The following ANK1 variants were observed in gnomAD, a reference collection of about 807,000 sequenced individuals.
The protein encoded by ANK1 is ankyrin 1.
ANK1 carries 51 observed loss-of-function variants against 210.4 expected under a neutral mutation model. The ratio of observed to expected loss-of-function variants is 0.24; its 90% CI spans 0.19 to 0.31. The LOEUF is 0.31. ANK1 is among the 10% of genes least tolerant of loss of function. ANK1 has a pLI of 1.00. For synonymous variants in ANK1, 967 were observed against 1,025.9 expected (o/e 0.94, Z 1.10); for missense variants, 2,051 against 2,504.4 (o/e 0.82, Z 3.86).
At chr8:41,734,149 T>A in intron 2 of ANK1, 80 bp from the exon 3 acceptor site, 1 of 1,211,730 alleles carries the variant, frequency 8.3e-7, no homozygotes, top group South Asian at 1.2e-5. Context: ...CCCAGGCCCC[T>A]TCCCAGCCCT....
chr8:41,808,883 A>G (rs1851366770), intron 1 of ANK1, among the ~76,000 whole-genome samples: 1 of 152,174 alleles, frequency 6.6e-6, no homozygotes, highest in Non-Finnish European at 1.5e-5. Flanking sequence ...AACATTTCTG[A>G]GGCCTTATTG....
At chr8:41,809,412 C>T (rs887371242) in intron 1 of ANK1, among the ~76,000 whole-genome samples, 1 of 152,176 alleles carries the variant, frequency 6.6e-6, no homozygotes, top group Non-Finnish European at 1.5e-5. Flanking sequence ...GTGTGTGATA[C>T]TCAAAACCAT....
At chr8:41,725,662 G>C in intron 6 of ANK1, 99 bp downstream of exon 6, 25 of 1,496,792 alleles carry the variant, frequency 1.7e-5, no homozygotes, top group Non-Finnish European at 2.2e-5. Flanking sequence ...CGCCCTGCAC[G>C]CTCGGTTCTC....
intron 4 of ANK1, among the ~76,000 whole-genome samples, 180 bp from the exon 5 acceptor site, chr8:41,727,528 A>G (rs1409527564): frequency 6.6e-6 from 1 of 152,166 alleles, no homozygotes; most frequent in African/African-American, 2.4e-5. Context: ...ACAAAAGGCC[A>G]CAGAGGCTGT....
chr8:41,787,612 T>C (rs769037281), intron 1 of ANK1, among the ~76,000 whole-genome samples: 50 of 152,108 alleles, frequency 3.3e-4, no homozygotes, highest in Non-Finnish European at 4.9e-4. Context: ...CTTAAGTAAA[T>C]AGCAGTCAAA....
chr8:41,683,893 C>A (rs908065094), intron 37 of ANK1, among the ~76,000 whole-genome samples: 4 of 152,110 alleles, frequency 2.6e-5, no homozygotes, highest in African/African-American at 9.7e-5. Context: ...TCTCCTTGGG[C>A]TGGATCTCAC....
In ANK1 at chr8:41,797,588, G is replaced by C; in HGVS notation, c.-50C>G. On this transcript the variant is annotated 5_prime_UTR_variant, in exon 1 of 43. Transcript: ENST00000289734. The surrounding 1 kb of genome is among the most constrained non-coding windows in gnomAD (Gnocchi z 4.0). ...CGAAGGGCCTTGGGGGCTTGAGGAG[G>C]AGCAGCTGGGGCTGGCGGACTCACC... is the stretch of plus-strand genomic sequence containing the variant. 1 of 1,610,532 alleles carries C rather than the reference G, an allele frequency of 6.2e-7. No individual in the cohort carries two copies. Among genetic ancestry groups the C allele is most frequent in the African/African-American group, 1.3e-5 (1 of 74,906 alleles).
At chr8:41,848,964 C>T (rs1053484538) in intron 1 of ANK1, among the ~76,000 whole-genome samples, 3 of 152,210 alleles carry the variant, frequency 2.0e-5, no homozygotes, top group African/African-American at 7.2e-5. Flanking sequence ...CCCCCATCCA[C>T]CTGGAGCTTG....
chr8:41,695,740 G>A (rs1820720513), intron 26 of ANK1, among the ~76,000 whole-genome samples: 1 of 152,256 alleles, frequency 6.6e-6, no homozygotes, highest in South Asian at 2.1e-4. Flanking sequence ...AAAACTTGCT[G>A]CTTTGCAAAT....
chr8:41,870,149 C>T (rs1405712307), intron 1 of ANK1, among the ~76,000 whole-genome samples: 1 of 152,030 alleles, frequency 6.6e-6, no homozygotes, highest in Non-Finnish European at 1.5e-5. Context: ...CACCTCTGTG[C>T]CCCGAATGAA....
At chr8:41,755,656 A>T (rs767538950) in intron 2 of ANK1, among the ~76,000 whole-genome samples, 3 of 152,188 alleles carry the variant, frequency 2.0e-5, no homozygotes, top group Non-Finnish European at 2.9e-5. Flanking sequence ...CTGGAGGTGC[A>T]GTGCTAAGAA....
chr8:41,680,768 A>G (rs2355254), intron 37 of ANK1, among the ~76,000 whole-genome samples: 115,867 of 152,012 alleles, frequency 0.76, 44,594 homozygotes, highest in Admixed American at 0.81. Flanking sequence ...GGGAGTCACT[A>G]TGAAGCTGCA....
chr8:41,841,248 T>A (rs1186270608), intron 1 of ANK1, among the ~76,000 whole-genome samples: 1 of 152,150 alleles, frequency 6.6e-6, no homozygotes, highest in Non-Finnish European at 1.5e-5. Context: ...TACTGGGAAC[T>A]TGGAGGACAT....
At chr8:41,798,208 C>G (rs1414286540), upstream of ANK1, among the ~76,000 whole-genome samples, 3 of 151,528 alleles carry the variant, frequency 2.0e-5, no homozygotes, top group African/African-American at 7.3e-5. Context: ...CTCCGCCCCC[C>G]GGGGAGGCTG....
chr8:41,758,011 A>G, intron 2 of ANK1, 25 bp downstream of exon 2: 2 of 1,592,164 alleles, frequency 1.3e-6, no homozygotes, highest in Non-Finnish European at 1.7e-6. Context: ...TTCAGAGACA[A>G]CAGGCCTGCC....
chr8:41,831,929 G>A (rs944652526), intron 1 of ANK1, among the ~76,000 whole-genome samples: 3 of 152,108 alleles, frequency 2.0e-5, no homozygotes, highest in African/African-American at 4.8e-5. Flanking sequence ...CAAGGCCTTC[G>A]GACTATATGA....
intron 16 of ANK1, among the ~76,000 whole-genome samples, chr8:41,713,328 C>T (rs1189555412): frequency 2.0e-5 from 3 of 152,214 alleles, no homozygotes; most frequent in Non-Finnish European, 4.4e-5. Flanking sequence ...ACCAGTCCCG[C>T]GGTGCCTATC....
In ANK1 at chr8:41,686,148, T is replaced by C; in HGVS notation, c.4390+4A>G. 1 of 1,614,248 alleles carries C rather than the reference T, an allele frequency of 6.2e-7. No individual in the cohort carries two copies. The highest frequency in any genetic ancestry group is 8.5e-7 in the Non-Finnish European group (1 of 1,180,040). On this transcript the variant is annotated splice_donor_region_variant and intron_variant, in intron 36 of 42. Coordinates refer to ENST00000289734, the MANE Select transcript of ANK1 (RefSeq NM_000037.4). ...ACAGGCTTCCTCAGTGGGACGGTAC[T>C]GACTGTTTGCGTTTTGGCCTTCACG...
At chr8:41,726,679 G>A (rs562680665) in intron 5 of ANK1, among the ~76,000 whole-genome samples, 22 of 152,284 alleles carry the variant, frequency 1.4e-4, no homozygotes, top group Admixed American at 6.5e-4. Flanking sequence ...GAGCCACTGC[G>A]CTTGGCCATG....
Sources: gnomAD v4.1 joint callset for allele counts (sites outside exome capture counted in the v4.1 genomes callset) on GRCh38, gnomAD v4.1.1 for gene constraint, Gnocchi (gnomAD v3.1) non-coding constraint, MANE v1.5 for transcripts, NCBI Gene and HGNC (gene_info 2026-07-23, HGNC 2026-07-21) for gene names.